DIAPH3: variants seen among roughly 807,000 people sequenced by gnomAD.
DIAPH3 encodes the protein protein diaphanous homolog 3.
A neutral mutation model predicts 144.3 loss-of-function variants in DIAPH3; 117 were observed. That is an observed-to-expected ratio of 0.81 (90% CI 0.70 to 0.95). The LOEUF is 0.95. DIAPH3 is among the 40% of genes least tolerant of loss of function. DIAPH3 has a pLI of 0.00. For missense variants in DIAPH3, 1,421 were observed against 1,412.7 expected, an observed-to-expected ratio of 1.01 and a Z score of -0.09; for synonymous variants, 519 against 488.9, an observed-to-expected ratio of 1.06 and a Z score of -0.81.
intron 12 of DIAPH3, among the ~76,000 whole-genome samples, chr13:59,988,786 C>T (rs2051605622): frequency 6.6e-6 from 1 of 151,792 alleles, no homozygotes; most frequent in Admixed American, 6.6e-5. Context: ...CTCCCATGCG[C>T]ATTTAACTAG....
chr13:60,103,955 C>T (rs2058341055), intron 3 of DIAPH3, among the ~76,000 whole-genome samples: 1 of 152,070 alleles, frequency 6.6e-6, no homozygotes, highest in Non-Finnish European at 1.5e-5. Flanking sequence ...CCATGAATGG[C>T]TTAGTGCCAA....
chr13:59,974,410 T>C lies in DIAPH3; in HGVS notation c.1592A>G (p.Gln531Arg), dbSNP rs2050558073. The change falls in exon 15 of 28, where the codon CAG (glutamine) becomes CGG (arginine). Residue 531 changes from glutamine (Q) to arginine (R), a missense_variant. Gln to Arg is a conservative substitution (Grantham distance 43, BLOSUM62 1). Transcript: ENST00000400324. Reference sequence around the variant, plus strand: ...CTCATTAATCTTTGCCTCTTTTTTCTGCAATTCAGCCTGAGTTTCTTGGTG... The same window carrying C: ...CTCATTAATCTTTGCCTCTTTTTTCCGCAATTCAGCCTGAGTTTCTTGGTG... Reference protein sequence around the residue: ...TDHQETQAELQKKEAKINELQ... With the variant: ...TDHQETQAELRKKEAKINELQ... 2.5e-6 allele frequency: 4 copies of C among 1,612,414 alleles called. No homozygotes were observed. In the African/African-American group the frequency reaches 4.0e-5, roughly 16 times the overall value.
chr13:60,138,771 G>GAGA (rs1555383921), intron 1 of DIAPH3, among the ~76,000 whole-genome samples: 28,168 of 87,570 alleles, frequency 0.32, 4,402 homozygotes, highest in Non-Finnish European at 0.36. Flanking sequence ...GAAGGAGAAG[G>GAGA]AGAAGGAGAA....
intron 1 of DIAPH3, among the ~76,000 whole-genome samples, chr13:60,155,827 G>A (rs1425130797): frequency 6.6e-6 from 1 of 152,174 alleles, no homozygotes; most frequent in Admixed American, 6.5e-5. Flanking sequence ...AACATGAATG[G>A]AGGTTTTGGT....
intron 24 of DIAPH3, among the ~76,000 whole-genome samples, chr13:59,831,996 T>A (rs969187060): frequency 6.6e-6 from 1 of 151,976 alleles, no homozygotes; most frequent in Non-Finnish European, 1.5e-5. Context: ...TTCAGACACA[T>A]AACTCGTATG....
chr13:59,843,644 A>C (rs971280535), intron 22 of DIAPH3, among the ~76,000 whole-genome samples: 8 of 152,252 alleles, frequency 5.3e-5, no homozygotes, highest in African/African-American at 1.4e-4. Flanking sequence ...CTACAGATGC[A>C]AATCTCACTA....
At chr13:60,024,780 G>A (rs1276803569) in intron 5 of DIAPH3, among the ~76,000 whole-genome samples, 2 of 152,164 alleles carry the variant, frequency 1.3e-5, no homozygotes, top group Admixed American at 6.5e-5. Flanking sequence ...AGAAGAGAAA[G>A]CACCACCTCA....
chr13:59,943,639 T>C (rs1018362814), intron 17 of DIAPH3, among the ~76,000 whole-genome samples: 1 of 152,098 alleles, frequency 6.6e-6, no homozygotes, highest in African/African-American at 2.4e-5. Context: ...TCGGTTGAAA[T>C]TGGAACAATA....
chr13:59,936,125 T>C (rs1287033336), intron 17 of DIAPH3, among the ~76,000 whole-genome samples: 1 of 152,150 alleles, frequency 6.6e-6, no homozygotes, highest in Non-Finnish European at 1.5e-5. Flanking sequence ...TTTTTAGCCA[T>C]AGTCATATGT....
chr13:59,716,397 G>C lies in DIAPH3; in HGVS notation c.3320-49551C>G, dbSNP rs147070950. Among the ~76,000 whole-genome samples the C allele has an allele frequency of 2.9e-3, 442 of 152,192 alleles. 3 individuals carry two copies. Among genetic ancestry groups the C allele is most frequent in the African/African-American group, 9.6e-3 (397 of 41,538 alleles). On this transcript the variant is annotated intron_variant, in intron 27 of 27. Coordinates refer to ENST00000400324, the MANE Select transcript of DIAPH3 (RefSeq NM_001042517.2). ...TCACCATGTTAGCCAGGATGGTCTCGATCTCCTGATCTTGTGATCTGCCCG... is the reference window on the plus strand; with the variant it reads ...TCACCATGTTAGCCAGGATGGTCTCCATCTCCTGATCTTGTGATCTGCCCG...
intron 1 of DIAPH3, among the ~76,000 whole-genome samples, chr13:60,146,123 T>A (rs1448294286): frequency 3.9e-5 from 6 of 152,200 alleles, no homozygotes. Flanking sequence ...AATGAGCATC[T>A]GAAAAATGAA....
intron 24 of DIAPH3, 56 bp downstream of exon 24, chr13:59,833,051 A>G: frequency 7.8e-7 from 1 of 1,288,058 alleles, no homozygotes; most frequent in Non-Finnish European, 1.1e-6. Context: ...TAATGAGATA[A>G]TAGATAAGAT....
chr13:59,754,230 G>A (rs1458096111), intron 27 of DIAPH3, among the ~76,000 whole-genome samples: 6 of 152,214 alleles, frequency 3.9e-5, no homozygotes, highest in Non-Finnish European at 8.8e-5. Context: ...TTACTGAAGT[G>A]ACTTAGAAAA....
chr13:59,824,508 G>C (rs189554766), intron 24 of DIAPH3, among the ~76,000 whole-genome samples: 137 of 152,214 alleles, frequency 9.0e-4, no homozygotes, highest in Non-Finnish European at 2.5e-4. Flanking sequence ...AAATGAATTG[G>C]CTGAGGCCTA....
intron 1 of DIAPH3, among the ~76,000 whole-genome samples, chr13:60,151,808 C>T (rs897185585): frequency 6.6e-6 from 1 of 151,970 alleles, no homozygotes; most frequent in Admixed American, 6.5e-5. Context: ...AATTGGAGAC[C>T]GTCACCTTTT....
intron 17 of DIAPH3, among the ~76,000 whole-genome samples, chr13:59,936,343 T>C (rs1162585673): frequency 6.6e-6 from 1 of 152,204 alleles, no homozygotes; most frequent in East Asian, 1.9e-4. Flanking sequence ...ACTTTGCTCA[T>C]CTCAAAAGTA....
chr13:60,111,206 T>A (rs780819095), intron 3 of DIAPH3, among the ~76,000 whole-genome samples: 2 of 152,170 alleles, frequency 1.3e-5, no homozygotes, highest in African/African-American at 4.8e-5. Context: ...TACCTTCATA[T>A]AGGCCTCATT....
chr13:60,155,361 G>C (rs1951975957), intron 1 of DIAPH3, among the ~76,000 whole-genome samples: 1 of 152,116 alleles, frequency 6.6e-6, no homozygotes, highest in Non-Finnish European at 1.5e-5. Flanking sequence ...AGTGGTCCAG[G>C]AGTATTAAAT....
At chr13:59,874,467 G>T (rs956466956) in intron 21 of DIAPH3, among the ~76,000 whole-genome samples, 2 of 152,112 alleles carry the variant, frequency 1.3e-5, no homozygotes, top group African/African-American at 2.4e-5. Flanking sequence ...TCCAGAATCA[G>T]ATAAAAAATT....
Sources: gnomAD v4.1 joint callset for allele counts (sites outside exome capture counted in the v4.1 genomes callset) on GRCh38, gnomAD v4.1.1 for gene constraint, MANE v1.5 for transcripts, NCBI Gene and HGNC (gene_info 2026-07-23, HGNC 2026-07-21) for gene names.